The following GRIK3 variants were observed in gnomAD, a reference collection of about 807,000 sequenced individuals.
GRIK3 encodes the protein glutamate receptor ionotropic, kainate 3.
In GRIK3, 29 loss-of-function variants were observed where a neutral mutation model predicts 102.5. That is an observed-to-expected ratio of 0.28 (90% CI 0.21 to 0.39). GRIK3 has a LOEUF of 0.39. Among genes scored for constraint, GRIK3 ranks in the 10% least tolerant of loss-of-function variants. The pLI is 1.00. For missense variants in GRIK3, 908 were observed against 1,252.4 expected (o/e 0.73, Z 4.15); for synonymous variants, 511 against 504.9 (o/e 1.01, Z -0.16).
Position 36,845,657 on chromosome 1 carries a change from A to G in GRIK3, c.1327-3718T>C, listed in dbSNP as rs138432884. On this transcript the variant is annotated intron_variant, in intron 9 of 15. Coordinates refer to ENST00000373091, the MANE Select transcript of GRIK3 (RefSeq NM_000831.4). ...CAAGTATATACAATGTCCTTGGCAC[A>G]AATGCACCACATTTTCAGATGTCCT... Among the ~76,000 whole-genome samples the G allele has an allele frequency of 3.6e-3, 545 of 152,368 alleles. 1 individual carries two copies. Among genetic ancestry groups the G allele is most frequent in the African/African-American group, 0.012 (516 of 41,592 alleles).
intron 1 of GRIK3, among the ~76,000 whole-genome samples, chr1:37,008,537 C>T (rs1467565895): frequency 6.6e-6 from 1 of 152,256 alleles, no homozygotes; most frequent in Admixed American, 6.5e-5. Flanking sequence ...TTTTCCCTCC[C>T]TGACATTGGC....
chr1:36,955,206 A>C (rs1641891784), intron 1 of GRIK3, among the ~76,000 whole-genome samples: 1 of 152,174 alleles, frequency 6.6e-6, no homozygotes. Context: ...AGCAGCCCTA[A>C]ATAAGTGACA....
At chr1:36,840,437 G>A (rs1456321595) in intron 10 of GRIK3, among the ~76,000 whole-genome samples, 9 of 151,492 alleles carry the variant, frequency 5.9e-5, no homozygotes, top group Admixed American at 4.0e-4. Flanking sequence ...TTTAGGCAGG[G>A]CATGGTGGCT....
At chr1:36,976,624 C>T (rs1642199046) in intron 1 of GRIK3, among the ~76,000 whole-genome samples, 1 of 152,084 alleles carries the variant, frequency 6.6e-6, no homozygotes, top group South Asian at 2.1e-4. Context: ...GGTATGAAAT[C>T]GACTGCATCT....
At chr1:36,949,543 CTTTCTTTTT>C (rs1190090920) in intron 1 of GRIK3, among the ~76,000 whole-genome samples, 24 of 122,000 alleles carry the variant, frequency 2.0e-4, no homozygotes, top group African/African-American at 6.4e-4. Flanking sequence ...TCTTTCTTTT[CTTTCTTTTT>C]TTTCTTTCTC....
intron 1 of GRIK3, among the ~76,000 whole-genome samples, chr1:36,949,681 T>C (rs1384025204): frequency 6.6e-6 from 1 of 151,126 alleles, no homozygotes; most frequent in Admixed American, 6.6e-5. Context: ...TTCAGGTGAT[T>C]CTCCTGTCTC....
At chr1:36,879,371 A>G (rs530889159) in intron 3 of GRIK3, among the ~76,000 whole-genome samples, 1 of 152,106 alleles carries the variant, frequency 6.6e-6, no homozygotes, top group Admixed American at 6.5e-5. Context: ...CTGCATGCCT[A>G]TAGTTCCAGC....
chr1:36,937,159 C>T (rs960983227), intron 1 of GRIK3, among the ~76,000 whole-genome samples: 5 of 152,180 alleles, frequency 3.3e-5, no homozygotes, highest in Non-Finnish European at 7.3e-5. Context: ...CCTCAGCGAG[C>T]AGGAACAATG....
chr1:36,953,893 T>G (rs1641874048), intron 1 of GRIK3, among the ~76,000 whole-genome samples: 1 of 151,924 alleles, frequency 6.6e-6, no homozygotes, highest in South Asian at 2.1e-4. Context: ...ATCAATGGCT[T>G]GATTGAGGGA....
chr1:37,028,928 T>G (rs1642791581), intron 1 of GRIK3, among the ~76,000 whole-genome samples: 1 of 152,204 alleles, frequency 6.6e-6, no homozygotes, highest in Non-Finnish European at 1.5e-5. Context: ...ACACTATGAG[T>G]CATTGTTTGA....
chr1:36,929,064 C>G (rs780864697), intron 1 of GRIK3, among the ~76,000 whole-genome samples: 3 of 152,086 alleles, frequency 2.0e-5, no homozygotes, highest in African/African-American at 7.2e-5. Flanking sequence ...TTCTTAGTTT[C>G]GATTTACAGA....
chr1:36,991,558 C>T (rs559027255), intron 1 of GRIK3, among the ~76,000 whole-genome samples: 16 of 152,308 alleles, frequency 1.1e-4, no homozygotes, highest in African/African-American at 3.1e-4. Flanking sequence ...AAATCAGGCT[C>T]GGGTGTGAAA....
At chr1:37,008,159 G>C (rs1036979896) in intron 1 of GRIK3, among the ~76,000 whole-genome samples, 1 of 152,206 alleles carries the variant, frequency 6.6e-6, no homozygotes, top group African/African-American at 2.4e-5. Flanking sequence ...GTGGACTTAC[G>C]GGGTCTCGCA....
intron 14 of GRIK3, 149 bp downstream of exon 14, chr1:36,805,955 A>G (rs1570734548): frequency 1.1e-5 from 6 of 547,276 alleles, no homozygotes; most frequent in Middle Eastern, 9.5e-4. Flanking sequence ...AAAAAAAAAA[A>G]AAAAAAGAAA....
intron 1 of GRIK3, among the ~76,000 whole-genome samples, chr1:36,933,906 G>A (rs532878210): frequency 6.6e-6 from 1 of 152,244 alleles, no homozygotes; most frequent in South Asian, 2.1e-4. Flanking sequence ...ACTTCCACTT[G>A]AGCATCTCGC....
intron 13 of GRIK3, among the ~76,000 whole-genome samples, chr1:36,815,713 T>G (rs1642619174): frequency 6.6e-6 from 1 of 152,150 alleles, no homozygotes. Flanking sequence ...CTAGACCTCC[T>G]GAGTCAGAAA....
In GRIK3 at chr1:36,806,072, C is replaced by T. The variant is rs367635921; in HGVS notation, c.2314+32G>A. On this transcript the variant is annotated intron_variant, in intron 14 of 15. Transcript: ENST00000373091. The surrounding 1 kb of genome is among the most constrained non-coding windows in gnomAD (Gnocchi z 4.0). ...GTGGAGCCCTCCCTCTGCCCACACA[C>T]CCACCCCTCCCACAGGCAGCCCCTC... is the stretch of plus-strand genomic sequence containing the variant. The T allele has an allele frequency of 4.0e-6, 6 of 1,508,648 alleles. No individual in the cohort carries two copies. The highest frequency in any genetic ancestry group is 2.7e-5 in the African/African-American group (2 of 72,956). The allele number at this position is 1,508,648 out of a possible 1,614,324, so 93.5% of individuals were successfully genotyped here.
chr1:36,938,428 C>T (rs1434655946), intron 1 of GRIK3, among the ~76,000 whole-genome samples: 1 of 152,222 alleles, frequency 6.6e-6, no homozygotes, highest in Admixed American at 6.5e-5. Context: ...AACAGTAAAA[C>T]CTTGACCTGC....
In GRIK3 at chr1:36,899,512, C is replaced by A. The variant is rs972627892; in HGVS notation, c.116-8416G>T. On this transcript the variant is annotated intron_variant, in intron 1 of 15. Transcript: ENST00000373091. ...AAAATAGAAAGGAGGTTTCCAGGGC[C>A]TAGAGGAAGGGGGGAAAGTGAAGTT... Among the ~76,000 whole-genome samples, 4 of 151,940 alleles carry A rather than the reference C, an allele frequency of 2.6e-5. 1 individual carries two copies. In the Middle Eastern group the frequency reaches 0.01, roughly 390 times the overall value.
Sources: gnomAD v4.1 joint callset for allele counts (sites outside exome capture counted in the v4.1 genomes callset) on GRCh38, gnomAD v4.1.1 for gene constraint, Gnocchi (gnomAD v3.1) non-coding constraint, MANE v1.5 for transcripts, NCBI Gene and HGNC (gene_info 2026-07-23, HGNC 2026-07-21) for gene names.